The following RSPO4 variants were observed in gnomAD, a reference collection of about 807,000 sequenced individuals.
RSPO4 encodes the protein R-spondin 4.
Under a neutral mutation model 24.8 loss-of-function variants are expected in RSPO4, and 23 were observed. The ratio of observed to expected loss-of-function variants is 0.93; its 90% CI spans 0.67 to 1.31. The LOEUF (loss-of-function observed/expected upper bound fraction) is 1.31. RSPO4 is among the 40% of genes most tolerant of loss of function. The pLI is 0.00. For missense variants in RSPO4, 333 were observed against 316.5 expected, an observed-to-expected ratio of 1.05 and a Z score of -0.39; for synonymous variants, 141 against 127.4, an observed-to-expected ratio of 1.11 and a Z score of -0.72.
chr20:982,168 AC>A (rs1025643651), intron 1 of RSPO4, among the ~76,000 whole-genome samples: 1 of 151,974 alleles, frequency 6.6e-6, no homozygotes, highest in Non-Finnish European at 1.5e-5. Context: ...CAGAGAGTCT[AC>A]CCTCCAGCTG....
chr20:998,955 T>C (rs1985379433), intron 1 of RSPO4, among the ~76,000 whole-genome samples: 1 of 151,452 alleles, frequency 6.6e-6, no homozygotes, highest in Admixed American at 6.6e-5. Context: ...ATGTGTAATA[T>C]GTTTGGGAAA....
chr20:982,845 G>A (rs1172909300), intron 1 of RSPO4, among the ~76,000 whole-genome samples: 1 of 152,244 alleles, frequency 6.6e-6, no homozygotes, highest in Non-Finnish European at 1.5e-5. Context: ...GGCTCTTGAT[G>A]GTAGCAGAGG....
At chr20:992,727 A>G (rs142214468) in intron 1 of RSPO4, among the ~76,000 whole-genome samples, 4 of 152,200 alleles carry the variant, frequency 2.6e-5, no homozygotes, top group African/African-American at 4.8e-5. Flanking sequence ...CTGGGAGCTG[A>G]GCCCAGGACT....
At chr20:967,691 G>A (rs1600090002) in intron 2 of RSPO4, among the ~76,000 whole-genome samples, 1 of 152,232 alleles carries the variant, frequency 6.6e-6, no homozygotes, top group East Asian at 1.9e-4. Context: ...ACCAGAGAAG[G>A]TGAGTTACAT....
chr20:966,261 C>T lies in RSPO4; in HGVS notation c.409+913G>A, dbSNP rs77067767. ...GCCAAGGAGCAGCCTAGTGCAGGAA[C>T]GGGAGGGCTCACAGGCAGGAGTGTG... On this transcript the variant is annotated intron_variant, in intron 3 of 4. Transcript: ENST00000217260. 8.9e-3 allele frequency among the ~76,000 whole-genome samples: 1,347 copies of T among 152,178 alleles called. 16 individuals are homozygous for T. Among genetic ancestry groups the T allele is most frequent in the African/African-American group, 0.029 (1,222 of 41,508 alleles).
intron 3 of RSPO4, 147 bp from the exon 4 acceptor site, chr20:964,267 T>TA (rs1984109964): frequency 7.7e-6 from 5 of 649,298 alleles, no homozygotes; most frequent in Non-Finnish European, 1.3e-5. Flanking sequence ...GAGTTATTTA[T>TA]AAGAGCCTGG....
intron 3 of RSPO4, 30 bp downstream of exon 3, chr20:967,144 C>A (rs745795826): frequency 1.2e-6 from 2 of 1,605,496 alleles, no homozygotes; most frequent in East Asian, 4.5e-5. Context: ...AGGGGAGGGG[C>A]AGGGGCAGGG....
chr20:974,139 C>G (rs1372810408), intron 1 of RSPO4, among the ~76,000 whole-genome samples: 1 of 152,210 alleles, frequency 6.6e-6, no homozygotes, highest in African/African-American at 2.4e-5. Flanking sequence ...TTAAACTTGA[C>G]TGTGATAACA....
At chr20:972,723 A>G (rs1239373386) in intron 1 of RSPO4, among the ~76,000 whole-genome samples, 2 of 152,096 alleles carry the variant, frequency 1.3e-5, no homozygotes, top group African/African-American at 2.4e-5. Context: ...GCACACATTG[A>G]CTGATGATGT....
In RSPO4 at chr20:969,068, C is replaced by T. The variant is rs145448112; in HGVS notation, c.80-930G>A. Among the ~76,000 whole-genome samples the T allele has an allele frequency of 4.6e-3, 696 of 152,308 alleles. 8 individuals are homozygous for T. The highest frequency in any genetic ancestry group is 0.016 in the African/African-American group (656 of 41,566). On this transcript the variant is annotated intron_variant, in intron 1 of 4. Coordinates refer to ENST00000217260, the MANE Select transcript of RSPO4 (RefSeq NM_001029871.4). ...CAGTGGCTCATGCCTGTCATCCCAGCATTTTGGGAGGCCAAGATGGGAGAA... is the reference window on the plus strand; with the variant it reads ...CAGTGGCTCATGCCTGTCATCCCAGTATTTTGGGAGGCCAAGATGGGAGAA...
At chr20:972,060 T>C (rs1361747854) in intron 1 of RSPO4, among the ~76,000 whole-genome samples, 2 of 152,156 alleles carry the variant, frequency 1.3e-5, no homozygotes, top group Non-Finnish European at 2.9e-5. Flanking sequence ...AGTAGTGGAA[T>C]CCTGATTTTT....
Position 968,150 on chromosome 20 carries a change from A to C in RSPO4, c.80-12T>G. The C allele has an allele frequency of 6.2e-7, 1 of 1,612,748 alleles. No homozygotes were observed. The highest frequency in any genetic ancestry group is 1.1e-5 in the South Asian group (1 of 91,048). On this transcript the variant is annotated splice_polypyrimidine_tract_variant and intron_variant, in intron 1 of 4. Coordinates refer to ENST00000217260, the MANE Select transcript of RSPO4 (RefSeq NM_001029871.4). ...CAGGCCAGTGCCCACTGCCCACAAG[A>C]CCAGGGCAGAAGGAGGGGGAAAGGG...
chr20:961,289 T>G (rs142557146), intron 4 of RSPO4, among the ~76,000 whole-genome samples: 143 of 152,304 alleles, frequency 9.4e-4, no homozygotes, highest in African/African-American at 3.4e-3. Context: ...CTACATTGCT[T>G]GGGCCCCATT....
intron 1 of RSPO4, among the ~76,000 whole-genome samples, chr20:996,188 C>T (rs1985280042): frequency 6.6e-6 from 1 of 151,554 alleles, no homozygotes; most frequent in Admixed American, 6.6e-5. Flanking sequence ...GCTGACCCCA[C>T]TCTATTTTAG....
chr20:961,424 A>G (rs920402806), intron 4 of RSPO4, among the ~76,000 whole-genome samples: 4 of 152,194 alleles, frequency 2.6e-5, no homozygotes, highest in Non-Finnish European at 5.9e-5. Flanking sequence ...AGGGGAGGGC[A>G]GTTTTATTCC....
Position 959,189 on chromosome 20 carries a change from CA to C in RSPO4, c.*1167del, listed in dbSNP as rs1983903697. 2 of 94,504 alleles carry C rather than the reference CA, an allele frequency of 2.1e-5. No individual in the cohort carries two copies. Among genetic ancestry groups the C allele is most frequent in the Non-Finnish European group, 4.1e-5 (2 of 48,694 alleles). The allele number at this position is 94,504 out of a possible 1,614,324, so 5.9% of individuals were successfully genotyped here. A position where few individuals can be genotyped will look rare whatever the true frequency, so the allele number is the denominator to read the frequency against. ...TGTGGGCAAGTGTGGGGGTGGGTGT[CA>C]GCGTGTGGGGGTGGGTGTCAGCGAG... On this transcript the variant is annotated 3_prime_UTR_variant, in exon 5 of 5. Coordinates refer to ENST00000217260, the MANE Select transcript of RSPO4 (RefSeq NM_001029871.4).
chr20:993,490 C>T (rs1402536125), intron 1 of RSPO4, among the ~76,000 whole-genome samples: 1 of 152,164 alleles, frequency 6.6e-6, no homozygotes. Flanking sequence ...GAGCACATCA[C>T]GACCTTTCCC....
At chr20:984,019 A>T (rs1327333725) in intron 1 of RSPO4, among the ~76,000 whole-genome samples, 1 of 152,022 alleles carries the variant, frequency 6.6e-6, no homozygotes, top group East Asian at 1.9e-4. Context: ...TACCCTCCTC[A>T]CCTTACATAA....
intron 4 of RSPO4, 41 bp downstream of exon 4, chr20:963,894 C>T (rs773593685): frequency 1.3e-6 from 2 of 1,599,704 alleles, no homozygotes; most frequent in Non-Finnish European, 1.7e-6. Context: ...TCCCTGTGGG[C>T]CTTTCCCACC....
Sources: gnomAD v4.1 joint callset for allele counts (sites outside exome capture counted in the v4.1 genomes callset) on GRCh38, gnomAD v4.1.1 for gene constraint, MANE v1.5 for transcripts, NCBI Gene and HGNC (gene_info 2026-07-23, HGNC 2026-07-21) for gene names.